CORO7: variants seen among roughly 807,000 people sequenced by gnomAD.
The protein encoded by CORO7 is coronin-7.
A neutral mutation model predicts 126.6 loss-of-function variants in CORO7; 107 were observed. The observed-to-expected ratio is 0.85, with a 90% CI of 0.72 to 0.99. The LOEUF (loss-of-function observed/expected upper bound fraction) is 0.99. Among genes scored for constraint, CORO7 ranks in the 50% least tolerant of loss-of-function variants. CORO7 has a pLI of 0.00. For synonymous variants in CORO7, 603 were observed against 536.8 expected (o/e 1.12, Z -1.70); for missense variants, 1,314 against 1,255.8 (o/e 1.05, Z -0.70).
At chr16:4,386,058 A>T (rs538359603) in intron 9 of CORO7, among the ~76,000 whole-genome samples, 57 of 152,280 alleles carry the variant, frequency 3.7e-4, no homozygotes, top group African/African-American at 1.3e-3. Context: ...CTGGGGGTGC[A>T]GGGGACCTGC....
rs772896182 is a variant in CORO7 at position 4,358,511 on chromosome 16, C to A, written c.2341-28G>T. ...GGGGGAGCAAGGGAGTCGGAGCTGCCGCTGGGACCTAGAGCTCATGGCTGG... is the reference window on the plus strand; with the variant it reads ...GGGGGAGCAAGGGAGTCGGAGCTGCAGCTGGGACCTAGAGCTCATGGCTGG... On this transcript the variant is annotated intron_variant, in intron 23 of 27. Transcript: ENST00000251166. 10 of 1,560,588 alleles carry A rather than the reference C, an allele frequency of 6.4e-6. No individual in the cohort carries two copies. The East Asian group carries it at 2.0e-4, about 32-fold the overall frequency.
chr16:4,406,487 T>C (rs185393204), intron 5 of CORO7, among the ~76,000 whole-genome samples: 1 of 150,882 alleles, frequency 6.6e-6, no homozygotes. Flanking sequence ...TTTGTAGAGA[T>C]TGTGTCTCAC....
At chr16:4,360,781 A>C (rs1469901569) in intron 19 of CORO7, among the ~76,000 whole-genome samples, 162 bp downstream of exon 19, 11 of 42,908 alleles carry the variant, frequency 2.6e-4, no homozygotes, top group Admixed American at 1.0e-3. Context: ...GCCCCTCCTC[A>C]CCACTGGCCC....
intron 9 of CORO7, among the ~76,000 whole-genome samples, chr16:4,385,599 G>T (rs1157648358): frequency 6.6e-6 from 1 of 152,194 alleles, no homozygotes; most frequent in African/African-American, 2.4e-5. Context: ...CCTGCGCCAA[G>T]CATGGTACCA....
chr16:4,364,276 G>A lies in CORO7; in HGVS notation c.1275C>T (p.Ser425=), dbSNP rs200279423. 43 of 1,535,802 alleles carry A rather than the reference G, an allele frequency of 2.8e-5. No homozygotes were observed. The East Asian group carries it at 7.8e-4, about 28-fold the overall frequency. The change falls in exon 14 of 28, where the codon AGC becomes AGT. Residue 425 remains serine, a splice_region_variant and synonymous_variant. Coordinates refer to ENST00000251166, the MANE Select transcript of CORO7 (RefSeq NM_024535.5). ...METPVGDADA[S]EGFSSPPSSL... The stretch of plus-strand genomic sequence containing the variant: ...GGATGGGGGCGGCCCTGGTACTTAC[G>A]CTTGCGTCTGCATCACCCACGGGTG...
intron 14 of CORO7, chr16:4,363,063 T>C (rs912146048): frequency 8.0e-6 from 2 of 251,330 alleles, no homozygotes; most frequent in Non-Finnish European, 1.5e-5. Flanking sequence ...TTTTAAGTGT[T>C]TGCCCAATTT....
At chr16:4,402,089 C>A (rs1307464639) in intron 6 of CORO7, among the ~76,000 whole-genome samples, 1 of 151,982 alleles carries the variant, frequency 6.6e-6, no homozygotes, top group South Asian at 2.1e-4. Context: ...CAGGTGCATG[C>A]CAACATGCCT....
chr16:4,395,695 C>G (rs2055559718), intron 6 of CORO7, among the ~76,000 whole-genome samples: 1 of 152,216 alleles, frequency 6.6e-6, no homozygotes, highest in Admixed American at 6.5e-5. Flanking sequence ...CCCTCACAGA[C>G]AGACAAACGG....
chr16:4,413,322 T>G lies in CORO7; in HGVS notation c.143A>C (p.Asn48Thr), dbSNP rs1447012040. The G allele has an allele frequency of 6.3e-7, 1 of 1,581,096 alleles. No homozygotes were observed. The highest frequency in any genetic ancestry group is 8.6e-7 in the Non-Finnish European group (1 of 1,162,450). The change falls in exon 2 of 28, where the codon AAC becomes ACC. Residue 48 changes from asparagine (N) to threonine (T), a missense_variant. Transcript: ENST00000251166. ...IKSSCSLIAF[N>T]SDRPGVLGIV... is the part of the protein sequence containing the mutation. ...CCATTCCCTACCAGGACGGTCGGAG[T>G]TGAAGGCGATCAAGCTGCAGCTTGA...
chr16:4,377,827 T>C (rs2141234245), intron 9 of CORO7, among the ~76,000 whole-genome samples: 1 of 152,282 alleles, frequency 6.6e-6, no homozygotes, highest in African/African-American at 2.4e-5. Flanking sequence ...TCACCGCACA[T>C]TTTACGGGGC....
intron 11 of CORO7, 23 bp downstream of exon 11, chr16:4,364,980 G>A (rs754374627): frequency 1.2e-6 from 2 of 1,605,154 alleles, no homozygotes; most frequent in Non-Finnish European, 1.7e-6. Flanking sequence ...GGTAGGGGAT[G>A]GGGGCGAGGA....
chr16:4,366,912 AC>A (rs1396280025), intron 9 of CORO7, among the ~76,000 whole-genome samples: 1 of 151,746 alleles, frequency 6.6e-6, no homozygotes, highest in Non-Finnish European at 1.5e-5. Flanking sequence ...CTTAAACAGG[AC>A]CCCGTCCCCA....
intron 6 of CORO7, among the ~76,000 whole-genome samples, chr16:4,403,214 C>T (rs1596332940): frequency 1.3e-5 from 2 of 152,198 alleles, no homozygotes; most frequent in Non-Finnish European, 2.9e-5. Flanking sequence ...GACAAGCCCT[C>T]GCTCTCTGCA....
At chr16:4,410,400 G>T (rs2056160971) in intron 3 of CORO7, among the ~76,000 whole-genome samples, 1 of 152,126 alleles carries the variant, frequency 6.6e-6, no homozygotes, top group South Asian at 2.1e-4. Context: ...ACTCCAGCCT[G>T]GATGACAGAG....
intron 6 of CORO7, chr16:4,397,426 C>A (rs928829668): frequency 6.6e-6 from 1 of 151,710 alleles, no homozygotes; most frequent in African/African-American, 2.4e-5. Context: ...TACACTCCAG[C>A]CTGGGAAACA....
At chr16:4,360,582 G>T in intron 19 of CORO7, 34 bp from the exon 20 acceptor site, 1 of 1,559,152 alleles carries the variant, frequency 6.4e-7, no homozygotes, top group East Asian at 2.4e-5. Context: ...AGACAGCCTT[G>T]CTTCACTGCT....
chr16:4,361,777 A>C, intron 16 of CORO7: 1 of 922,130 alleles, frequency 1.1e-6, no homozygotes, highest in Non-Finnish European at 1.7e-6. Context: ...CAGGTCACTA[A>C]ACCTCTCTGT....
intron 6 of CORO7, among the ~76,000 whole-genome samples, chr16:4,400,210 T>C (rs915547467): frequency 6.6e-6 from 1 of 152,110 alleles, no homozygotes; most frequent in African/African-American, 2.4e-5. Context: ...TTAATAATAA[T>C]GTATCAGGCT....
At position 4,378,640 on chromosome 16, in the gene CORO7, C is replaced by T. The variant is rs971542424; in HGVS notation, c.785+9346G>A. On this transcript the variant is annotated intron_variant, in intron 9 of 27. Transcript: ENST00000251166. ...ACGAGCCCCCCTGGGGTGGGCTGGC[C>T]GGGCCAGGGACGCGTGCCTGGGGTT... Among the ~76,000 whole-genome samples, 21 of 151,992 alleles carry T rather than the reference C, an allele frequency of 1.4e-4. No homozygotes were observed. The East Asian group carries it at 2.3e-3, about 17-fold the overall frequency.
Sources: gnomAD v4.1 joint callset for allele counts (sites outside exome capture counted in the v4.1 genomes callset) on GRCh38, gnomAD v4.1.1 for gene constraint, MANE v1.5 for transcripts, NCBI Gene and HGNC (gene_info 2026-07-23, HGNC 2026-07-21) for gene names.